IFT57: variants seen among roughly 807,000 people sequenced by gnomAD.
The protein encoded by IFT57 is intraflagellar transport protein 57 homolog.
In IFT57, 59 loss-of-function variants were observed where a neutral mutation model predicts 56.8. The ratio of observed to expected loss-of-function variants is 1.04; its 90% CI spans 0.84 to 1.29. The LOEUF (loss-of-function observed/expected upper bound fraction) is 1.29, where lower values mean the gene tolerates loss of function less well. Ranked by LOEUF, IFT57 falls within the 50% of genes most tolerant of loss-of-function variation. The pLI, the probability that IFT57 is intolerant of heterozygous loss-of-function variation, is 0.00. For synonymous variants in IFT57, 209 were observed against 186.1 expected (o/e 1.12, Z -1.00); for missense variants, 470 against 522.1 (o/e 0.90, Z 0.97).
chr3:108,201,122 T>G (rs959477808), intron 5 of IFT57, among the ~76,000 whole-genome samples: 2 of 152,144 alleles, frequency 1.3e-5, no homozygotes, highest in Non-Finnish European at 2.9e-5. Context: ...TTAATTAACT[T>G]GCTATGGTCA....
chr3:108,213,760 T>A, intron 4 of IFT57, 171 bp downstream of exon 4: 1 of 524,784 alleles, frequency 1.9e-6, no homozygotes, highest in Non-Finnish European at 3.4e-6. Flanking sequence ...ATACAAACAT[T>A]AACTTAACCA....
chr3:108,215,543 C>G (rs372825157), intron 3 of IFT57, among the ~76,000 whole-genome samples: 1 of 151,994 alleles, frequency 6.6e-6, no homozygotes, highest in Non-Finnish European at 1.5e-5. Context: ...GTCTTAAAAA[C>G]GAAAACCCAT....
chr3:108,164,155 A>AT (rs2080048490), intron 9 of IFT57, among the ~76,000 whole-genome samples: 1 of 152,078 alleles, frequency 6.6e-6, no homozygotes, highest in East Asian at 1.9e-4. Context: ...TTATAGTTCT[A>AT]TAAGACATTA....
At chr3:108,192,256 A>T (rs911892225) in intron 5 of IFT57, among the ~76,000 whole-genome samples, 1 of 151,808 alleles carries the variant, frequency 6.6e-6, no homozygotes, top group Admixed American at 6.6e-5. Flanking sequence ...GACAAAATAT[A>T]AAAAAATTCC....
chr3:108,166,533 C>T (rs1015288206), intron 8 of IFT57, among the ~76,000 whole-genome samples: 19 of 152,068 alleles, frequency 1.2e-4, no homozygotes, highest in African/African-American at 4.3e-4. Flanking sequence ...GGTAAATTAA[C>T]AACAGACTTA....
rs1441363851 is a variant in IFT57 at position 108,162,383 on chromosome 3, T to C, written c.*94A>G. On this transcript the variant is annotated 3_prime_UTR_variant, in exon 11 of 11. Transcript: ENST00000264538. ...GTATGTATATGTAAAAAAATACCCATTGAACATAAAATTATGTTTTGAAAT... is the reference window on the plus strand; with the variant it reads ...GTATGTATATGTAAAAAAATACCCACTGAACATAAAATTATGTTTTGAAAT... 1.2e-5 allele frequency: 12 copies of C among 1,021,164 alleles called. No individual in the cohort carries two copies. Among genetic ancestry groups the C allele is most frequent in the African/African-American group, 8.1e-5 (5 of 61,918 alleles). The allele number at this position is 1,021,164 out of a possible 1,614,324, so 63.3% of individuals were successfully genotyped here. A position where few individuals can be genotyped will look rare whatever the true frequency, so the allele number is the denominator to read the frequency against.
At chr3:108,211,453 G>C (rs565535348) in intron 4 of IFT57, among the ~76,000 whole-genome samples, 1 of 152,108 alleles carries the variant, frequency 6.6e-6, no homozygotes, top group Non-Finnish European at 1.5e-5. Context: ...TTAATCTTAT[G>C]CCACCCTCCC....
Position 108,167,878 on chromosome 3 carries a change from G to T in IFT57, c.778-14C>A. Reference sequence around the variant, plus strand: ...GATTCTCCAATCCTACAGGCATAGAGCACATAGAAATAATGTAAAAAATAC... The same window carrying T: ...GATTCTCCAATCCTACAGGCATAGATCACATAGAAATAATGTAAAAAATAC... On this transcript the variant is annotated splice_polypyrimidine_tract_variant and intron_variant, in intron 6 of 10. Coordinates refer to ENST00000264538, the MANE Select transcript of IFT57 (RefSeq NM_018010.4). The T allele has an allele frequency of 6.4e-7, 1 of 1,555,446 alleles. No individual in the cohort carries two copies. The highest frequency in any genetic ancestry group is 8.7e-7 in the Non-Finnish European group (1 of 1,149,604).
Position 108,218,517 on chromosome 3 carries a change from A to G in IFT57, c.494+18T>C. 1 of 1,175,390 alleles carries G rather than the reference A, an allele frequency of 8.5e-7. No homozygotes were observed. The highest frequency in any genetic ancestry group is 2.6e-5 in the East Asian group (1 of 38,470). 72.8% of individuals were successfully genotyped at this position (1,175,390 alleles called of 1,614,324 possible). A position where few individuals can be genotyped will look rare whatever the true frequency, so the allele number is the denominator to read the frequency against. ...CTATGCCCATAAAATTACTATCATC[A>G]GGGTGGGTAATTTTTACCTTTTCCA... On this transcript the variant is annotated intron_variant, in intron 3 of 10. Coordinates refer to ENST00000264538, the MANE Select transcript of IFT57 (RefSeq NM_018010.4).
At chr3:108,200,392 T>C (rs1220832965) in intron 5 of IFT57, among the ~76,000 whole-genome samples, 2 of 151,782 alleles carry the variant, frequency 1.3e-5, no homozygotes, top group East Asian at 1.9e-4. Flanking sequence ...CGAGATGGCC[T>C]GGGTAAAGAT....
chr3:108,197,572 T>C (rs62267864), intron 5 of IFT57, among the ~76,000 whole-genome samples: 12,158 of 152,248 alleles, frequency 0.08, 584 homozygotes, highest in Middle Eastern at 0.11. Flanking sequence ...AAAGAAAGGC[T>C]ATGTTCTGTA....
intron 9 of IFT57, among the ~76,000 whole-genome samples, chr3:108,164,705 A>G (rs1178816295): frequency 6.6e-6 from 1 of 152,090 alleles, no homozygotes; most frequent in African/African-American, 2.4e-5. Flanking sequence ...TTCTGATGTT[A>G]TATTTTTAGT....
At chr3:108,199,199 G>A (rs1454968124) in intron 5 of IFT57, among the ~76,000 whole-genome samples, 1 of 151,918 alleles carries the variant, frequency 6.6e-6, no homozygotes, top group Non-Finnish European at 1.5e-5. Context: ...AAAACCCACG[G>A]AACATATTTT....
At chr3:108,163,781 A>G in intron 9 of IFT57, 52 bp from the exon 10 acceptor site, 1 of 1,149,088 alleles carries the variant, frequency 8.7e-7, no homozygotes, top group Non-Finnish European at 1.3e-6. Context: ...AACTTTCACA[A>G]TTTTTGAATT....
At chr3:108,213,705 C>A in intron 4 of IFT57, 1 of 424,810 alleles carries the variant, frequency 2.4e-6, no homozygotes, top group East Asian at 3.6e-5. Context: ...TTTCCCTGAA[C>A]AGTTCAAGAA....
At chr3:108,215,838 C>T (rs1281696324) in intron 3 of IFT57, among the ~76,000 whole-genome samples, 3 of 151,960 alleles carry the variant, frequency 2.0e-5, no homozygotes, top group Non-Finnish European at 4.4e-5. Context: ...AAACATAGTC[C>T]TTATAAGTTA....
At chr3:108,185,321 GT>G (rs1320907217) in intron 6 of IFT57, among the ~76,000 whole-genome samples, 1 of 152,040 alleles carries the variant, frequency 6.6e-6, no homozygotes, top group Non-Finnish European at 1.5e-5. Context: ...GCAAAGGATG[GT>G]TTGATAATTT....
intron 6 of IFT57, among the ~76,000 whole-genome samples, chr3:108,175,803 A>T (rs562384006): frequency 1.2e-5 from 1 of 85,214 alleles, no homozygotes; most frequent in South Asian, 3.6e-4. Flanking sequence ...AACCTTCTTT[A>T]AAAAAAAAAA....
chr3:108,211,027 C>T (rs535056226), intron 4 of IFT57, among the ~76,000 whole-genome samples: 3 of 152,252 alleles, frequency 2.0e-5, no homozygotes, highest in South Asian at 2.1e-4. Flanking sequence ...TGTTATACAA[C>T]GATGTGCCGA....
Sources: allele counts gnomAD v4.1 joint callset (sites outside exome capture counted in the v4.1 genomes callset), GRCh38; gene constraint gnomAD v4.1.1; transcripts MANE v1.5; gene names NCBI Gene and HGNC (gene_info 2026-07-23, HGNC 2026-07-21).